FAAH2: variants seen among roughly 807,000 people sequenced by gnomAD.
FAAH2 encodes the protein fatty acid amide hydrolase 2, also known as fatty-acid amide hydrolase 2.
FAAH2 carries 60 observed loss-of-function variants against 36.9 expected under a neutral mutation model. That is an observed-to-expected ratio of 1.63 (90% CI 1.32 to 2.02). The LOEUF is 2.02. Among genes scored for constraint, FAAH2 ranks in the 30% most tolerant of loss-of-function variants. FAAH2 has a pLI of 0.00. For synonymous variants in FAAH2, 214 were observed against 143.8 expected, an observed-to-expected ratio of 1.49 and a Z score of -3.49; for missense variants, 689 against 397.5, an observed-to-expected ratio of 1.73 and a Z score of -6.23.
chrX:57,472,731 TTC>T (rs1384296966), intron 10 of FAAH2, among the ~76,000 whole-genome samples: 1 of 111,264 alleles, frequency 9.0e-6, no homozygotes, highest in Non-Finnish European at 1.9e-5. Flanking sequence ...GGTTTTCTAT[TTC>T]TTGCTAGTTC....
At chrX:57,451,101 T>A (rs761115961) in intron 10 of FAAH2, among the ~76,000 whole-genome samples, 13 of 111,745 alleles carry the variant, frequency 1.2e-4, no homozygotes, top group African/African-American at 3.9e-4. Context: ...CAAAGTCACA[T>A]AGCTAAGATA....
intron 10 of FAAH2, among the ~76,000 whole-genome samples, chrX:57,475,034 T>C (rs2057239745): frequency 8.9e-6 from 1 of 112,139 alleles, no homozygotes; most frequent in Admixed American, 9.5e-5. Context: ...CACCCAATTT[T>C]TGATGGGATT....
intron 7 of FAAH2, among the ~76,000 whole-genome samples, chrX:57,421,205 G>A (rs2056014227): frequency 8.9e-6 from 1 of 111,892 alleles, no homozygotes; most frequent in Non-Finnish European, 1.9e-5. Context: ...CAGCACTTTG[G>A]GAGGCCAAGG....
At chrX:57,275,700 T>C in the FAAH2 span, among the ~76,000 whole-genome samples, 1 of 109,667 alleles carries the variant, frequency 9.1e-6, no homozygotes. Context: ...GGGACACAGA[T>C]AGGCTCAAAA....
chrX:57,172,328 G>A, the FAAH2 span, among the ~76,000 whole-genome samples: 1 of 111,442 alleles, frequency 9.0e-6, no homozygotes, highest in Non-Finnish European at 1.9e-5. Flanking sequence ...CTCACAGGGT[G>A]TGAGACGTGG....
chrX:57,280,141 G>T, the FAAH2 span, among the ~76,000 whole-genome samples: 1 of 111,705 alleles, frequency 9.0e-6, no homozygotes, highest in Non-Finnish European at 1.9e-5. Context: ...ATGATTGGAA[G>T]ACCCCACTTT....
At chrX:57,407,739 C>T (rs1387771927) in intron 7 of FAAH2, among the ~76,000 whole-genome samples, 1 of 111,754 alleles carries the variant, frequency 8.9e-6, no homozygotes, top group East Asian at 2.8e-4. Context: ...CTGCTCCAAA[C>T]TCGAATCAGA....
At chrX:57,330,114 C>T (rs763928027) in intron 3 of FAAH2, among the ~76,000 whole-genome samples, 8 of 111,862 alleles carry the variant, frequency 7.2e-5, no homozygotes, top group African/African-American at 2.6e-4. Flanking sequence ...AAGATAACAG[C>T]AACTGTTCAG....
chrX:57,140,417 C>CAAAAAA, the FAAH2 span, among the ~76,000 whole-genome samples: 16 of 64,786 alleles, frequency 2.5e-4, no homozygotes, highest in African/African-American at 1.1e-3. Context: ...CCATCTCTAC[C>CAAAAAA]AAAAAAAAAA....
intron 7 of FAAH2, among the ~76,000 whole-genome samples, chrX:57,419,362 C>T (rs2055942008): frequency 9.0e-6 from 1 of 111,197 alleles, no homozygotes; most frequent in Non-Finnish European, 1.9e-5. Flanking sequence ...TATTTCTCCA[C>T]ATCCTCTCCA....
intron 10 of FAAH2, among the ~76,000 whole-genome samples, chrX:57,485,044 G>A (rs1191839213): frequency 8.9e-6 from 1 of 111,910 alleles, no homozygotes; most frequent in Admixed American, 9.5e-5. Context: ...GAGGCTCTGG[G>A]CTGCAGCTGA....
the FAAH2 span, among the ~76,000 whole-genome samples, chrX:57,146,713 G>A: frequency 8.9e-6 from 1 of 111,895 alleles, no homozygotes; most frequent in Admixed American, 9.5e-5. Flanking sequence ...GCCATAGATG[G>A]CTTTTATTAC....
At chrX:57,220,990 G>A in the FAAH2 span, among the ~76,000 whole-genome samples, 1 of 111,850 alleles carries the variant, frequency 8.9e-6, no homozygotes, top group Non-Finnish European at 1.9e-5. Flanking sequence ...TGGCAGGTAG[G>A]CCAGTATATT....
the FAAH2 span, among the ~76,000 whole-genome samples, chrX:57,261,550 C>CT: frequency 2.3e-5 from 1 of 43,945 alleles, no homozygotes; most frequent in African/African-American, 9.0e-5. Flanking sequence ...GAGACTCTGT[C>CT]TCAAAAAAAA....
At chrX:57,160,669 G>A in the FAAH2 span, among the ~76,000 whole-genome samples, 2 of 112,019 alleles carry the variant, frequency 1.8e-5, no homozygotes, top group Admixed American at 9.5e-5. Context: ...TTGTATTTCT[G>A]TGGGATCGGT....
chrX:57,420,311 AG>A (rs2147071657), intron 7 of FAAH2, among the ~76,000 whole-genome samples: 1 of 111,948 alleles, frequency 8.9e-6, no homozygotes, highest in African/African-American at 3.2e-5. Flanking sequence ...TACCTTGGGC[AG>A]TATGGCCATT....
At chrX:57,250,596 T>C in the FAAH2 span, among the ~76,000 whole-genome samples, 1 of 110,930 alleles carries the variant, frequency 9.0e-6, no homozygotes, top group Non-Finnish European at 1.9e-5. Context: ...AAACATATTT[T>C]AAGACACCAT....
the FAAH2 span, chrX:57,135,492 C>A: frequency 5.5e-5 from 16 of 290,458 alleles, no homozygotes; most frequent in Non-Finnish European, 9.5e-5. Flanking sequence ...CCCCTCCAGA[C>A]CAGACCAGCT....
At chrX:57,387,672 TG>T (rs1185769308) in intron 7 of FAAH2, among the ~76,000 whole-genome samples, 1 of 111,756 alleles carries the variant, frequency 8.9e-6, no homozygotes, top group East Asian at 2.8e-4. Context: ...TCCCTGTCAC[TG>T]GGATTACAAA....
Sources: allele counts gnomAD v4.1 joint callset (sites outside exome capture counted in the v4.1 genomes callset), GRCh38; gene constraint gnomAD v4.1.1; transcripts MANE v1.5; gene names NCBI Gene and HGNC (gene_info 2026-07-23, HGNC 2026-07-21).